LINGO2: variants seen among roughly 807,000 people sequenced by gnomAD.
LINGO2 encodes leucine rich repeat and Ig domain containing 2.
In LINGO2, 14 loss-of-function variants were observed where a neutral mutation model predicts 30.6. That is an observed-to-expected ratio of 0.46 (90% CI 0.30 to 0.72). LINGO2 has a LOEUF of 0.72. LINGO2 is among the 30% of genes least tolerant of loss of function. LINGO2 has a pLI of 0.07. For missense variants in LINGO2, 729 were observed against 751.7 expected, an observed-to-expected ratio of 0.97 and a Z score of 0.35; for synonymous variants, 317 against 288.5, an observed-to-expected ratio of 1.10 and a Z score of -1.00.
At chr9:29,084,707 A>G in the LINGO2 span, among the ~76,000 whole-genome samples, 1 of 151,988 alleles carries the variant, frequency 6.6e-6, no homozygotes, top group Non-Finnish European at 1.5e-5. Context: ...ATCATATCAA[A>G]TTTCCGCTTT....
intron 2 of LINGO2, among the ~76,000 whole-genome samples, chr9:28,377,917 C>T (rs1267464614): frequency 6.6e-6 from 1 of 152,140 alleles, no homozygotes; most frequent in African/African-American, 2.4e-5. Context: ...ACAGAAGTTA[C>T]CTAATTCTAT....
intron 1 of LINGO2, among the ~76,000 whole-genome samples, chr9:28,578,635 G>GA (rs1824107447): frequency 6.6e-6 from 1 of 151,992 alleles, no homozygotes; most frequent in Non-Finnish European, 1.5e-5. Flanking sequence ...ACTTAAATTA[G>GA]AAAAATATCC....
intron 4 of LINGO2, among the ~76,000 whole-genome samples, chr9:28,123,876 C>A (rs1056726586): frequency 2.6e-5 from 4 of 152,060 alleles, no homozygotes; most frequent in Non-Finnish European, 5.9e-5. Context: ...CCGTGTTAGC[C>A]AGGATGGTCT....
intron 5 of LINGO2, among the ~76,000 whole-genome samples, chr9:28,000,864 C>T (rs1430297914): frequency 6.6e-6 from 1 of 152,208 alleles, no homozygotes; most frequent in African/African-American, 2.4e-5. Context: ...CTGTGAAGTA[C>T]CTAAAATTAA....
At chr9:29,184,862 T>G in the LINGO2 span, among the ~76,000 whole-genome samples, 5 of 152,188 alleles carry the variant, frequency 3.3e-5, no homozygotes, top group Admixed American at 3.3e-4. Flanking sequence ...GTCATAAAGT[T>G]TATTACATAT....
chr9:28,703,550 G>GA, the LINGO2 span, among the ~76,000 whole-genome samples: 1 of 151,370 alleles, frequency 6.6e-6, no homozygotes, highest in East Asian at 1.9e-4. Flanking sequence ...ATATGAGCTT[G>GA]AAAAAAACGT....
chr9:28,678,073 C>A, the LINGO2 span, among the ~76,000 whole-genome samples: 1 of 150,134 alleles, frequency 6.7e-6, no homozygotes, highest in East Asian at 2.0e-4. Context: ...TACCTTCCAA[C>A]GAAAATTATC....
intron 2 of LINGO2, among the ~76,000 whole-genome samples, chr9:28,406,625 T>A (rs1003548239): frequency 5.3e-5 from 8 of 152,234 alleles, no homozygotes; most frequent in Admixed American, 1.3e-4. Context: ...CCCTACTCTA[T>A]CTCCACCAGA....
the LINGO2 span, among the ~76,000 whole-genome samples, chr9:29,039,253 T>A: frequency 4.8e-4 from 73 of 152,206 alleles, 1 homozygote; most frequent in African/African-American, 1.7e-3. Flanking sequence ...GAAATCTGAG[T>A]GTAGATTTAA....
chr9:27,958,011 C>T (rs1387388327), intron 5 of LINGO2, among the ~76,000 whole-genome samples: 1 of 152,180 alleles, frequency 6.6e-6, no homozygotes, highest in African/African-American at 2.4e-5. Flanking sequence ...GTGCTGAGAG[C>T]TATCTTCCTT....
the LINGO2 span, among the ~76,000 whole-genome samples, chr9:29,141,818 T>C: frequency 6.6e-6 from 1 of 151,830 alleles, no homozygotes; most frequent in Non-Finnish European, 1.5e-5. Flanking sequence ...AAATAGATTA[T>C]ATCATGATAA....
intron 1 of LINGO2, among the ~76,000 whole-genome samples, chr9:28,664,550 GT>G (rs2136021297): frequency 1.3e-5 from 2 of 152,218 alleles, no homozygotes; most frequent in South Asian, 4.1e-4. Context: ...GGAGAAGAAT[GT>G]ATTAGAAAGA....
chr9:28,408,414 A>G (rs1199522958), intron 2 of LINGO2, among the ~76,000 whole-genome samples: 1 of 152,094 alleles, frequency 6.6e-6, no homozygotes, highest in Non-Finnish European at 1.5e-5. Flanking sequence ...TTATGCTTTT[A>G]TTTCTACATC....
At chr9:28,194,539 C>T (rs1205459724) in intron 4 of LINGO2, among the ~76,000 whole-genome samples, 1 of 133,590 alleles carries the variant, frequency 7.5e-6, no homozygotes, top group Non-Finnish European at 1.6e-5. Flanking sequence ...AAGAACAGAG[C>T]TAAGACCTAA....
chr9:28,237,119 G>GC (rs1359738176), intron 4 of LINGO2, among the ~76,000 whole-genome samples: 1 of 75,718 alleles, frequency 1.3e-5, no homozygotes, highest in African/African-American at 4.1e-5. Flanking sequence ...AAACAGTGCG[G>GC]GGGGGGGGTA....
At chr9:28,890,699 A>C in the LINGO2 span, among the ~76,000 whole-genome samples, 2 of 152,058 alleles carry the variant, frequency 1.3e-5, no homozygotes, top group African/African-American at 4.8e-5. Flanking sequence ...TATGTAAATC[A>C]TATGCTATAA....
chr9:27,973,870 C>G lies in LINGO2; in HGVS notation c.-35-23164G>C, dbSNP rs77257138. Among the ~76,000 whole-genome samples the G allele has an allele frequency of 5.6e-4, 85 of 152,242 alleles. No homozygotes were observed. The East Asian group carries it at 0.016, about 28-fold the overall frequency. On this transcript the variant is annotated intron_variant, in intron 5 of 5. Transcript: ENST00000379992. The stretch of plus-strand genomic sequence containing the variant: ...TCAAAAGCCAGATAAAGTGGCAGCT[C>G]TGTGTGTGACCAATGACATTTACAT...
At chr9:28,361,873 AAAG>A (rs1283073355) in intron 3 of LINGO2, among the ~76,000 whole-genome samples, 4 of 152,180 alleles carry the variant, frequency 2.6e-5, no homozygotes, top group African/African-American at 9.7e-5. Context: ...TCCATCTTTT[AAAG>A]ATGAAGACAC....
intron 1 of LINGO2, among the ~76,000 whole-genome samples, chr9:28,634,283 T>A (rs575798015): frequency 2.6e-4 from 40 of 152,206 alleles, no homozygotes; most frequent in African/African-American, 9.4e-4. Context: ...ACTGAGGGAA[T>A]GTTGTGTAAC....
Sources: gnomAD v4.1 joint callset for allele counts (sites outside exome capture counted in the v4.1 genomes callset) on GRCh38, gnomAD v4.1.1 for gene constraint, MANE v1.5 for transcripts, NCBI Gene and HGNC (gene_info 2026-07-23, HGNC 2026-07-21) for gene names.